BTC: variants seen among roughly 807,000 people sequenced by gnomAD.
BTC encodes betacellulin.
Under a neutral mutation model 18.1 loss-of-function variants are expected in BTC, and 13 were observed. That is an observed-to-expected ratio of 0.72 (90% CI 0.47 to 1.14). BTC has a LOEUF of 1.14. Among genes scored for constraint, BTC ranks in the 50% most tolerant of loss-of-function variants. The pLI, the probability that BTC is intolerant of heterozygous loss-of-function variation, is 0.00. For missense variants in BTC, 247 were observed against 224.2 expected (o/e 1.10, Z -0.65); for synonymous variants, 83 against 79.4 (o/e 1.05, Z -0.24).
chr4:74,770,947 G>A (rs1002203136), intron 1 of BTC, among the ~76,000 whole-genome samples: 2 of 148,998 alleles, frequency 1.3e-5, no homozygotes, highest in Non-Finnish European at 3.0e-5. Flanking sequence ...GTGTGTGTGT[G>A]TATAATTATG....
At chr4:74,793,993 G>A (rs35388533) in intron 1 of BTC, among the ~76,000 whole-genome samples, 2 of 151,676 alleles carry the variant, frequency 1.3e-5, no homozygotes, top group African/African-American at 2.4e-5. Flanking sequence ...CGGCCTGCTC[G>A]CAGCACTGGC....
At chr4:74,794,185 G>A in intron 1 of BTC, 77 bp downstream of exon 1, 1 of 1,526,240 alleles carries the variant, frequency 6.6e-7, no homozygotes, top group Non-Finnish European at 8.9e-7. Flanking sequence ...ATGCCAGCTC[G>A]GTTCAGGGTT....
In BTC at chr4:74,765,961, G is replaced by T. The variant is rs1724891216; in HGVS notation, c.163+4097C>A. On this transcript the variant is annotated intron_variant, in intron 2 of 5. Transcript: ENST00000395743. ...AGCCTATACACACCTTAGTTATATGGTATAGCTTATTGCTCTGAGGCTACA... is the reference window on the plus strand; with the variant it reads ...AGCCTATACACACCTTAGTTATATGTTATAGCTTATTGCTCTGAGGCTACA... 2.6e-5 allele frequency among the ~76,000 whole-genome samples: 4 copies of T among 152,114 alleles called. No individual in the cohort carries two copies. In the South Asian group the frequency reaches 8.3e-4, roughly 32 times the overall value.
intron 4 of BTC, among the ~76,000 whole-genome samples, chr4:74,748,523 G>A (rs1724359400): frequency 6.6e-6 from 1 of 151,488 alleles, no homozygotes; most frequent in South Asian, 2.1e-4. Flanking sequence ...GCGACAGAGT[G>A]AGACTCCGTC....
At chr4:74,778,606 G>T (rs1380126707) in intron 1 of BTC, among the ~76,000 whole-genome samples, 1 of 152,068 alleles carries the variant, frequency 6.6e-6, no homozygotes, top group African/African-American at 2.4e-5. Context: ...CCTTGAAGCA[G>T]TCCAGTGGAA....
At chr4:74,761,975 A>G (rs911968867) in intron 2 of BTC, among the ~76,000 whole-genome samples, 3 of 152,178 alleles carry the variant, frequency 2.0e-5, no homozygotes, top group African/African-American at 7.2e-5. Flanking sequence ...TTCTGACTTC[A>G]TATTTGACCA....
chr4:74,775,193 G>A (rs935591231), intron 1 of BTC, among the ~76,000 whole-genome samples: 1 of 152,114 alleles, frequency 6.6e-6, no homozygotes, highest in African/African-American at 2.4e-5. Flanking sequence ...GCAAAGCCAA[G>A]CTGCAGGTTC....
intron 2 of BTC, among the ~76,000 whole-genome samples, 159 bp downstream of exon 2, chr4:74,769,898 CA>C (rs1724994019): frequency 6.6e-6 from 1 of 152,132 alleles, no homozygotes. Flanking sequence ...TTATCTAGCT[CA>C]GGGGGCTCTT....
Position 74,745,440 on chromosome 4 carries a change from C to T in BTC, c.*1237G>A, listed in dbSNP as rs1724264841. On this transcript the variant is annotated 3_prime_UTR_variant, in exon 6 of 6. Coordinates refer to ENST00000395743, the MANE Select transcript of BTC (RefSeq NM_001729.4). ...GCACAAGTTGGGGGGCATCTTCCAT[C>T]GATTTTTGTAAGTGAACCACGTAAT... The T allele has an allele frequency of 6.6e-6, 1 of 152,180 alleles. No individual in the cohort carries two copies. 9.4% of individuals were successfully genotyped at this position (152,180 alleles called of 1,614,324 possible).
At position 74,770,335 on chromosome 4, in the gene BTC, A is replaced by G. The variant is rs553019298; in HGVS notation, c.65-179T>C. Among the ~76,000 whole-genome samples the G allele has an allele frequency of 5.0e-4, 76 of 152,320 alleles. 1 individual carries two copies. In the South Asian group the frequency reaches 0.016, roughly 31 times the overall value. On this transcript the variant is annotated intron_variant, in intron 1 of 5. Transcript: ENST00000395743. ...CCAGCATGCTGCACATTTTCAGCTC[A>G]TTGCTAAAGAATGAATTTTCAAGCC...
intron 1 of BTC, among the ~76,000 whole-genome samples, chr4:74,775,015 T>C (rs1725140919): frequency 6.6e-6 from 1 of 152,048 alleles, no homozygotes; most frequent in African/African-American, 2.4e-5. Context: ...ACCCCAGAGT[T>C]TACCGCTTGG....
intron 1 of BTC, among the ~76,000 whole-genome samples, chr4:74,774,591 TAA>T (rs35445298): frequency 3.5e-5 from 5 of 144,574 alleles, no homozygotes; most frequent in Admixed American, 1.4e-4. Context: ...GGGCATTCTT[TAA>T]AAAAAAAAAA....
intron 2 of BTC, 87 bp downstream of exon 2, chr4:74,769,971 T>A (rs1345008376): frequency 1.8e-6 from 2 of 1,111,896 alleles, no homozygotes; most frequent in Non-Finnish European, 1.3e-6. Context: ...CCTTAATATA[T>A]GTTCAAATGT....
intron 1 of BTC, among the ~76,000 whole-genome samples, chr4:74,774,624 A>C (rs1436865263): frequency 6.6e-6 from 1 of 152,132 alleles, no homozygotes; most frequent in Non-Finnish European, 1.5e-5. Flanking sequence ...GTAATAAGTA[A>C]AAGGAATAAC....
At chr4:74,790,595 C>T (rs979746695) in intron 1 of BTC, among the ~76,000 whole-genome samples, 1 of 152,168 alleles carries the variant, frequency 6.6e-6, no homozygotes, top group Non-Finnish European at 1.5e-5. Flanking sequence ...ACCCCTTCTC[C>T]ATCTGCCCAA....
chr4:74,766,654 C>T (rs1347738648), intron 2 of BTC, among the ~76,000 whole-genome samples: 1 of 151,988 alleles, frequency 6.6e-6, no homozygotes. Context: ...GCCCAGATGC[C>T]TCCACTAGTG....
At chr4:74,782,559 C>T (rs1012356046) in intron 1 of BTC, among the ~76,000 whole-genome samples, 1 of 152,174 alleles carries the variant, frequency 6.6e-6, no homozygotes, top group African/African-American at 2.4e-5. Flanking sequence ...GCGCACTGAA[C>T]ATATGCATGC....
chr4:74,789,340 C>G (rs1036193537), intron 1 of BTC, among the ~76,000 whole-genome samples: 2 of 152,176 alleles, frequency 1.3e-5, no homozygotes, highest in African/African-American at 4.8e-5. Flanking sequence ...GCTTAATAAA[C>G]ACTGATTCTA....
chr4:74,775,199 G>C (rs28473160), intron 1 of BTC, among the ~76,000 whole-genome samples: 1 of 151,990 alleles, frequency 6.6e-6, no homozygotes, highest in South Asian at 2.1e-4. Flanking sequence ...CCAAGCTGCA[G>C]GTTCTATTTT....
Sources: gnomAD v4.1 joint callset for allele counts (sites outside exome capture counted in the v4.1 genomes callset) on GRCh38, gnomAD v4.1.1 for gene constraint, MANE v1.5 for transcripts, NCBI Gene and HGNC (gene_info 2026-07-23, HGNC 2026-07-21) for gene names.